The following ASIC2 variants were observed in gnomAD, a reference collection of about 807,000 sequenced individuals.
The protein encoded by ASIC2 is acid sensing ion channel subunit 2, also known as acid-sensing ion channel 2.
In ASIC2, 25 loss-of-function variants were observed where a neutral mutation model predicts 57.3. The ratio of observed to expected loss-of-function variants is 0.44; its 90% CI spans 0.32 to 0.61. The LOEUF (loss-of-function observed/expected upper bound fraction) is 0.61. Ranked by LOEUF, ASIC2 falls within the 20% of genes least tolerant of loss-of-function variation. The pLI, the probability that ASIC2 is intolerant of heterozygous loss-of-function variation, is 0.06. For synonymous variants in ASIC2, 319 were observed against 307.5 expected (o/e 1.04, Z -0.39); for missense variants, 641 against 738.1 (o/e 0.87, Z 1.52).
In ASIC2 at chr17:33,166,295, A is replaced by G. The variant is rs1452074978; in HGVS notation, c.709-54228T>C. 2.0e-5 allele frequency among the ~76,000 whole-genome samples: 3 copies of G among 152,284 alleles called. No homozygotes were observed. In the East Asian group the frequency reaches 5.8e-4, roughly 29 times the overall value. ...GTTACCAACATATTGCTTGACCCAT[A>G]ATAGGTGCTTATTAAATGTTACTTC... On this transcript the variant is annotated intron_variant, in intron 1 of 9. Transcript: ENST00000225823.
intron 1 of ASIC2, among the ~76,000 whole-genome samples, chr17:33,386,351 C>T (rs887861573): frequency 4.6e-5 from 7 of 152,170 alleles, no homozygotes; most frequent in Admixed American, 3.9e-4. Flanking sequence ...TTCTCACTTT[C>T]CCCTATATTC....
chr17:33,881,389 A>G (rs1914696679), intron 1 of ASIC2, among the ~76,000 whole-genome samples: 2 of 152,208 alleles, frequency 1.3e-5, no homozygotes, highest in Non-Finnish European at 2.9e-5. Context: ...AATCTCCTTA[A>G]ACTGATAGGC....
intron 3 of ASIC2, among the ~76,000 whole-genome samples, chr17:33,087,838 C>A (rs954406984): frequency 6.6e-6 from 1 of 151,912 alleles, no homozygotes; most frequent in African/African-American, 2.4e-5. Context: ...GGATTACAGG[C>A]GTGAACCACC....
chr17:34,015,676 C>T (rs1156382103), intron 1 of ASIC2, among the ~76,000 whole-genome samples: 2 of 152,222 alleles, frequency 1.3e-5, no homozygotes, highest in African/African-American at 4.8e-5. Flanking sequence ...CAGAAGAGTA[C>T]ATGAATGAGA....
intron 1 of ASIC2, among the ~76,000 whole-genome samples, chr17:33,789,908 T>C (rs1481409696): frequency 6.6e-6 from 1 of 152,208 alleles, no homozygotes; most frequent in African/African-American, 2.4e-5. Flanking sequence ...GCCCAGGTCA[T>C]GGAGTTATAT....
intron 1 of ASIC2, among the ~76,000 whole-genome samples, chr17:33,180,955 C>A (rs1182265357): frequency 6.6e-6 from 1 of 152,168 alleles, no homozygotes; most frequent in East Asian, 1.9e-4. Flanking sequence ...CTCTGCTTCA[C>A]ATTTTGATCA....
At chr17:33,843,393 C>A (rs538532723) in intron 1 of ASIC2, among the ~76,000 whole-genome samples, 1 of 152,288 alleles carries the variant, frequency 6.6e-6, no homozygotes, top group South Asian at 2.1e-4. Flanking sequence ...TCTCATGGGA[C>A]CCCAATATTC....
At chr17:33,149,427 C>A (rs1268842152) in intron 1 of ASIC2, among the ~76,000 whole-genome samples, 1 of 152,238 alleles carries the variant, frequency 6.6e-6, no homozygotes, top group African/African-American at 2.4e-5. Context: ...TGTAGGTGGA[C>A]CATAATTTAT....
chr17:34,056,273 T>A (rs979483910), intron 1 of ASIC2, among the ~76,000 whole-genome samples: 5 of 152,154 alleles, frequency 3.3e-5, no homozygotes, highest in African/African-American at 1.2e-4. Flanking sequence ...AGCAGACACA[T>A]GGAGCCTGCA....
chr17:34,046,489 C>A (rs62058978), intron 1 of ASIC2, among the ~76,000 whole-genome samples: 2,391 of 152,290 alleles, frequency 0.016, 24 homozygotes, highest in Non-Finnish European at 0.024. Context: ...AGGAATTAAT[C>A]AATGCTGGCT....
At position 34,128,821 on chromosome 17, in the gene ASIC2, A is replaced by G. The variant is rs867551653; in HGVS notation, c.555+27157T>C. On this transcript the variant is annotated intron_variant, in intron 1 of 9. Transcript: ENST00000359872. ...TCAGCAGAGGGGGTAGTCTCGGTCT[A>G]GCTCAGCTCCAGCTGCACATCAGAG... 3.3e-5 allele frequency among the ~76,000 whole-genome samples: 5 copies of G among 152,206 alleles called. No homozygotes were observed. The Middle Eastern group carries it at 0.014, about 414-fold the overall frequency.
At chr17:33,822,740 T>C (rs1195115396) in intron 1 of ASIC2, among the ~76,000 whole-genome samples, 1 of 152,204 alleles carries the variant, frequency 6.6e-6, no homozygotes, top group Non-Finnish European at 1.5e-5. Flanking sequence ...GCCAACCAAG[T>C]AAATGGCCTG....
chr17:33,477,346 T>C (rs1456437279), intron 1 of ASIC2, among the ~76,000 whole-genome samples: 3 of 152,152 alleles, frequency 2.0e-5, no homozygotes, highest in African/African-American at 7.2e-5. Context: ...TATAAATACA[T>C]TGGGAAGCTA....
intron 1 of ASIC2, among the ~76,000 whole-genome samples, chr17:34,056,876 CAACCCA>C (rs1908783640): frequency 6.6e-6 from 1 of 152,190 alleles, no homozygotes; most frequent in Non-Finnish European, 1.5e-5. Flanking sequence ...TGAGGTTAAA[CAACCCA>C]TTCGTGTGAA....
rs146657446 is a variant in ASIC2, at chr17:34,127,856, C to T, written c.555+28122G>A. On this transcript the variant is annotated intron_variant, in intron 1 of 9. Transcript: ENST00000359872. Reference sequence around the variant, plus strand: ...TCAGGGATCCCTGGACTGGCACTGGCTCAGAGCCAACCTGGCTTTCTCTAT... The same window carrying T: ...TCAGGGATCCCTGGACTGGCACTGGTTCAGAGCCAACCTGGCTTTCTCTAT... Among the ~76,000 whole-genome samples the T allele has an allele frequency of 1.9e-4, 29 of 152,272 alleles. No homozygotes were observed. In the East Asian group the frequency reaches 4.1e-3, roughly 21 times the overall value.
At chr17:33,995,699 T>A (rs562257836) in intron 1 of ASIC2, among the ~76,000 whole-genome samples, 1 of 152,104 alleles carries the variant, frequency 6.6e-6, no homozygotes. Context: ...AATGCACGTA[T>A]ATATACCACA....
chr17:33,786,334 G>A (rs1347138476), intron 1 of ASIC2, among the ~76,000 whole-genome samples: 1 of 152,026 alleles, frequency 6.6e-6, no homozygotes, highest in African/African-American at 2.4e-5. Flanking sequence ...TAGAGGAGTG[G>A]GAAGGGTGAC....
At chr17:33,883,525 G>A (rs765572843) in intron 1 of ASIC2, among the ~76,000 whole-genome samples, 24 of 152,272 alleles carry the variant, frequency 1.6e-4, no homozygotes, top group Admixed American at 1.2e-3. Flanking sequence ...CTGCCCCTAA[G>A]CAGCCTCATC....
intron 1 of ASIC2, among the ~76,000 whole-genome samples, chr17:33,930,815 A>T (rs1408141127): frequency 1.3e-5 from 2 of 152,176 alleles, no homozygotes; most frequent in Non-Finnish European, 2.9e-5. Flanking sequence ...GCAGACCCAC[A>T]GGTGGTGGAG....
Sources: allele counts gnomAD v4.1 joint callset (sites outside exome capture counted in the v4.1 genomes callset), GRCh38; gene constraint gnomAD v4.1.1; transcripts MANE v1.5; gene names NCBI Gene and HGNC (gene_info 2026-07-23, HGNC 2026-07-21).